Variants in CUTC observed in about 807,000 individuals in gnomAD.
CUTC encodes the protein cutC copper transporter, also known as copper homeostasis protein cutC homolog.
In CUTC, 27 loss-of-function variants were observed where a neutral mutation model predicts 36.2. The observed-to-expected ratio is 0.75, with a 90% CI of 0.55 to 1.03. The LOEUF is 1.03. CUTC is among the 50% of genes least tolerant of loss of function. The pLI is 0.00. For missense variants in CUTC, 315 were observed against 343.5 expected (o/e 0.92, Z 0.66); for synonymous variants, 114 against 118.3 (o/e 0.96, Z 0.24).
chr10:99,749,170 T>C (rs1487193199), intron 6 of CUTC, among the ~76,000 whole-genome samples: 1 of 152,206 alleles, frequency 6.6e-6, no homozygotes, highest in Non-Finnish European at 1.5e-5. Context: ...ATACATTAAC[T>C]TCACTGAAGT....
At chr10:99,747,151 G>A (rs2037383737) in intron 5 of CUTC, 106 bp from the exon 6 acceptor site, 1 of 1,258,932 alleles carries the variant, frequency 7.9e-7, no homozygotes, top group Admixed American at 2.3e-5. Flanking sequence ...GCCTTTGTAA[G>A]CCAGTACAAG....
chr10:99,732,482 G>C, intron 1 of CUTC, 73 bp downstream of exon 1: 1 of 1,544,846 alleles, frequency 6.5e-7, no homozygotes, highest in Non-Finnish European at 8.7e-7. Flanking sequence ...GTCGTAGTCA[G>C]TGGTGATTTC....
At chr10:99,737,171 A>G in intron 2 of CUTC, among the ~76,000 whole-genome samples, 1 of 151,856 alleles carries the variant, frequency 6.6e-6, no homozygotes, top group African/African-American at 2.4e-5. Flanking sequence ...TTGGGAGGCT[A>G]AGGTGGGAGG....
chr10:99,745,842 G>A (rs554782714), intron 5 of CUTC, among the ~76,000 whole-genome samples: 1 of 152,368 alleles, frequency 6.6e-6, no homozygotes, highest in East Asian at 1.9e-4. Context: ...GGGCGACAGA[G>A]CAAGACTGCA....
intron 1 of CUTC, 132 bp from the exon 2 acceptor site, chr10:99,736,114 G>C: frequency 6.3e-6 from 4 of 633,588 alleles, no homozygotes. Context: ...TGCATTCATG[G>C]GCCCTAGTGT....
At position 99,732,358 on chromosome 10, in the gene CUTC, C is replaced by T; in HGVS notation, c.10C>T (p.Gln4Ter). The change falls in exon 1 of 9, where the codon CAG becomes TAG. Residue 4 changes from glutamine (Q) to a stop codon, truncating the protein, a stop_gained. Transcript: ENST00000370476. LOFTEE classifies it high-confidence loss of function. MKR[Q>*]GASSERKRAR... ...GAGGAACGCGTGGAGCATGAAAAGG[C>T]AGGGGGCCTCCTCTGAGCGAAAACG... 3 of 1,552,974 alleles carry T rather than the reference C, an allele frequency of 1.9e-6. No individual in the cohort carries two copies. Among genetic ancestry groups the T allele is most frequent in the East Asian group, 2.4e-5 (1 of 41,084 alleles).
Position 99,743,274 on chromosome 10 carries a change from T to C in CUTC, c.315T>C (p.Leu105=). The stretch of plus-strand genomic sequence containing the variant: ...AGGTGATGAAGGCTGACATTCGTCT[T>C]GCCAAGCTTTATGGTGCTGATGGTT... The part of the protein sequence containing the change: ...EIEVMKADIR[L]AKLYGADGLV... Residue 105 remains leucine (L), a synonymous_variant, in exon 4 of 9, where the codon CTT becomes CTC. Transcript: ENST00000370476. The C allele has an allele frequency of 6.2e-7, 1 of 1,614,196 alleles. No individual in the cohort carries two copies. Among genetic ancestry groups the C allele is most frequent in the Non-Finnish European group, 8.5e-7 (1 of 1,180,038 alleles).
chr10:99,745,927 G>A (rs577233561), intron 5 of CUTC, among the ~76,000 whole-genome samples: 1 of 152,338 alleles, frequency 6.6e-6, no homozygotes, highest in South Asian at 2.1e-4. Flanking sequence ...CTTATGCTAT[G>A]AACCTTGAGT....
intron 2 of CUTC, among the ~76,000 whole-genome samples, chr10:99,738,391 T>TGTGG (rs1174397514): frequency 2.8e-5 from 4 of 141,552 alleles, no homozygotes; most frequent in Non-Finnish European, 4.5e-5. Flanking sequence ...TCATACAGGG[T>TGTGG]GTGTGTGTGT....
chr10:99,732,791 C>A (rs1435132926), intron 1 of CUTC, among the ~76,000 whole-genome samples: 1 of 152,198 alleles, frequency 6.6e-6, no homozygotes, highest in Non-Finnish European at 1.5e-5. Context: ...AGTTCCTAAC[C>A]TGCAGTTACC....
rs965512577 is a variant in CUTC, at chr10:99,755,742, A to C, written c.*3A>C. 6.3e-7 allele frequency: 1 copy of C among 1,577,734 alleles called. No individual in the cohort carries two copies. The highest frequency in any genetic ancestry group is 8.7e-7 in the Non-Finnish European group (1 of 1,147,528). On this transcript the variant is annotated 3_prime_UTR_variant, in exon 9 of 9. Transcript: ENST00000370476. ...TCGCAAAGAACATCCTGGTGTAGCC[A>C]GACCTCTCTGAGAGACATGGATATC...
At chr10:99,746,914 G>A (rs2037381452) in intron 5 of CUTC, among the ~76,000 whole-genome samples, 1 of 152,156 alleles carries the variant, frequency 6.6e-6, no homozygotes, top group Non-Finnish European at 1.5e-5. Context: ...TGGGACTATA[G>A]GTGCACACCA....
At chr10:99,752,615 A>C (rs1475451352) in intron 7 of CUTC, among the ~76,000 whole-genome samples, 2 of 152,208 alleles carry the variant, frequency 1.3e-5, no homozygotes, top group Non-Finnish European at 2.9e-5. Flanking sequence ...TGACATTAAG[A>C]GTACCTTTGT....
At chr10:99,735,798 C>T (rs907069671) in intron 1 of CUTC, among the ~76,000 whole-genome samples, 1 of 152,226 alleles carries the variant, frequency 6.6e-6, no homozygotes, top group Non-Finnish European at 1.5e-5. Context: ...ATACTAAAAT[C>T]TACCTTGTTT....
At chr10:99,739,153 C>T (rs544258595) in intron 2 of CUTC, among the ~76,000 whole-genome samples, 71 of 152,144 alleles carry the variant, frequency 4.7e-4, no homozygotes, top group African/African-American at 1.5e-3. Flanking sequence ...TGTAGTTATT[C>T]TGCTTATTGA....
chr10:99,736,472 ATCTAGTC>A (rs375604471), intron 2 of CUTC, among the ~76,000 whole-genome samples, 155 bp downstream of exon 2: 4 of 152,270 alleles, frequency 2.6e-5, no homozygotes, highest in African/African-American at 9.6e-5. Context: ...GAAAATTATG[ATCTAGTC>A]TCTCCCTCTC....
At chr10:99,741,873 A>G (rs982246598) in intron 3 of CUTC, among the ~76,000 whole-genome samples, 2 of 152,140 alleles carry the variant, frequency 1.3e-5, no homozygotes, top group African/African-American at 4.8e-5. Context: ...TACCAAGCCT[A>G]TCTTTTTTAA....
At chr10:99,742,743 G>A (rs2037350229) in intron 3 of CUTC, among the ~76,000 whole-genome samples, 1 of 150,760 alleles carries the variant, frequency 6.6e-6, no homozygotes, top group Admixed American at 6.6e-5. Flanking sequence ...AAATGTCTTT[G>A]CCCATTAAAG....
At chr10:99,749,694 C>T (rs1359756410) in intron 6 of CUTC, among the ~76,000 whole-genome samples, 1 of 152,050 alleles carries the variant, frequency 6.6e-6, no homozygotes, top group African/African-American at 2.4e-5. Context: ...ATCCTTGTTC[C>T]ATTTATTTCC....
Sources: gnomAD v4.1 joint callset for allele counts (sites outside exome capture counted in the v4.1 genomes callset) on GRCh38, gnomAD v4.1.1 for gene constraint, MANE v1.5 for transcripts, NCBI Gene and HGNC (gene_info 2026-07-23, HGNC 2026-07-21) for gene names.